Variants in AKT3 observed in about 807,000 individuals in gnomAD.
AKT3 encodes AKT serine/threonine kinase 3, also known as RAC-gamma serine/threonine-protein kinase.
AKT3 carries 15 observed loss-of-function variants against 65.3 expected under a neutral mutation model. The ratio of observed to expected loss-of-function variants is 0.23; its 90% CI spans 0.15 to 0.35. The LOEUF (loss-of-function observed/expected upper bound fraction) is 0.35, where lower values mean the gene tolerates loss of function less well. Among genes scored for constraint, AKT3 ranks in the 10% least tolerant of loss-of-function variants. The pLI is 1.00. For synonymous variants in AKT3, 206 were observed against 183.8 expected (o/e 1.12, Z -0.98); for missense variants, 243 against 576.5 (o/e 0.42, Z 5.92).
At chr1:243,761,297 T>G (rs1689476294) in intron 2 of AKT3, among the ~76,000 whole-genome samples, 1 of 152,094 alleles carries the variant, frequency 6.6e-6, no homozygotes, top group Non-Finnish European at 1.5e-5. Flanking sequence ...TTTTGAGAAC[T>G]GAAAAATACG....
chr1:243,846,821 TTAAA>T (rs1348447144), intron 1 of AKT3, among the ~76,000 whole-genome samples: 1 of 152,210 alleles, frequency 6.6e-6, no homozygotes, highest in Non-Finnish European at 1.5e-5. Context: ...TTAGGAAAGT[TTAAA>T]TAAAAGGTAT....
intron 2 of AKT3, chr1:243,817,998 T>C (rs1463526890): frequency 3.3e-5 from 5 of 152,242 alleles, no homozygotes; most frequent in Non-Finnish European, 1.5e-5. Context: ...TAGGTAAGTA[T>C]ATTCTCATTC....
rs1351043465 is a variant in AKT3, at chr1:243,519,570, G to GATT, written c.1252-7147_1252-7145dup. ...GGAGGGCAGGAGAATGATAACACCT[G>GATT]ATTATAAGCACTTGGAGAAAGTTGG... On this transcript the variant is annotated intron_variant, in intron 12 of 13. Transcript: ENST00000673466. Among the ~76,000 whole-genome samples the GATT allele has an allele frequency of 2.6e-5, 4 of 152,230 alleles. No individual in the cohort carries two copies. In the East Asian group the frequency reaches 5.8e-4, roughly 22 times the overall value.
At chr1:243,563,169 G>A (rs1673913793) in intron 10 of AKT3, among the ~76,000 whole-genome samples, 1 of 152,118 alleles carries the variant, frequency 6.6e-6, no homozygotes, top group South Asian at 2.1e-4. Flanking sequence ...ATATACAGCA[G>A]ATACACAATA....
chr1:243,731,685 T>G (rs1326775040), intron 2 of AKT3, among the ~76,000 whole-genome samples: 1 of 152,236 alleles, frequency 6.6e-6, no homozygotes, highest in Non-Finnish European at 1.5e-5. Flanking sequence ...TGTAAACTAA[T>G]AGTTTGTGCC....
intron 6 of AKT3, among the ~76,000 whole-genome samples, chr1:243,634,515 A>T (rs320331): frequency 6.6e-6 from 1 of 151,518 alleles, no homozygotes; most frequent in South Asian, 2.1e-4. Flanking sequence ...TGTGATGCAT[A>T]TGGTCTCTCT....
chr1:243,793,776 C>A (rs1485136462), intron 2 of AKT3, among the ~76,000 whole-genome samples: 79 of 129,618 alleles, frequency 6.1e-4, no homozygotes, highest in African/African-American at 9.3e-4. Flanking sequence ...AAAACTGTCT[C>A]AAAAAAAAAA....
chr1:243,597,904 G>T (rs1676737317), intron 8 of AKT3, among the ~76,000 whole-genome samples: 1 of 152,138 alleles, frequency 6.6e-6, no homozygotes, highest in Non-Finnish European at 1.5e-5. Context: ...TTTTTTGACA[G>T]AATTAAAATA....
chr1:243,523,384 A>G (rs1670852361), intron 12 of AKT3, among the ~76,000 whole-genome samples: 1 of 152,144 alleles, frequency 6.6e-6, no homozygotes. Flanking sequence ...GAACAGGAAC[A>G]GGCAAAGAAA....
At chr1:243,568,132 T>G (rs1055349762) in intron 9 of AKT3, among the ~76,000 whole-genome samples, 4 of 152,190 alleles carry the variant, frequency 2.6e-5, no homozygotes, top group African/African-American at 4.8e-5. Flanking sequence ...AGTCTTCTCT[T>G]CTAGATCACT....
At chr1:243,565,025 C>G (rs979980450) in intron 9 of AKT3, among the ~76,000 whole-genome samples, 3 of 152,154 alleles carry the variant, frequency 2.0e-5, no homozygotes, top group African/African-American at 4.8e-5. Context: ...AAACCAGACA[C>G]TAAATACAGT....
intron 2 of AKT3, among the ~76,000 whole-genome samples, chr1:243,753,790 T>C (rs1048455968): frequency 1.3e-5 from 2 of 152,202 alleles, no homozygotes; most frequent in Non-Finnish European, 2.9e-5. Flanking sequence ...GTAAAATAAC[T>C]GAATAGGAAC....
intron 13 of AKT3, among the ~76,000 whole-genome samples, chr1:243,493,532 G>A (rs949640183): frequency 2.6e-5 from 4 of 152,132 alleles, no homozygotes; most frequent in East Asian, 2.0e-4. Context: ...TCTGGTAGCC[G>A]TCGTATCCTG....
chr1:243,758,053 A>AT (rs1290445554), intron 2 of AKT3, among the ~76,000 whole-genome samples: 6 of 152,182 alleles, frequency 3.9e-5, no homozygotes, highest in African/African-American at 1.4e-4. Context: ...ATGAGCCACC[A>AT]CACCCAGCTA....
chr1:243,625,170 C>A (rs1259704182), intron 6 of AKT3: 2 of 143,418 alleles, frequency 1.4e-5, no homozygotes, highest in African/African-American at 6.1e-5. Context: ...CTCGCTGTGT[C>A]TCCCAGGCTG....
At chr1:243,731,274 T>C (rs1474510242) in intron 2 of AKT3, among the ~76,000 whole-genome samples, 1 of 152,202 alleles carries the variant, frequency 6.6e-6, no homozygotes, top group African/African-American at 2.4e-5. Flanking sequence ...TTTTCTACCA[T>C]CCATACGTTT....
At chr1:243,682,828 T>C (rs1021088771) in intron 3 of AKT3, among the ~76,000 whole-genome samples, 4 of 152,328 alleles carry the variant, frequency 2.6e-5, no homozygotes, top group African/African-American at 9.6e-5. Context: ...TTTTGAAATC[T>C]TACTATTTCT....
At chr1:243,759,273 CCACTG>C (rs1429060039) in intron 2 of AKT3, among the ~76,000 whole-genome samples, 1 of 152,008 alleles carries the variant, frequency 6.6e-6, no homozygotes, top group Non-Finnish European at 1.5e-5. Flanking sequence ...TATGATCGGA[CCACTG>C]CACTGCACTC....
At position 243,730,736 on chromosome 1, in the gene AKT3, G is replaced by A. The variant is rs150835393; in HGVS notation, c.47-35020C>T. On this transcript the variant is annotated intron_variant, in intron 2 of 13. Coordinates refer to ENST00000673466, the MANE Select transcript of AKT3 (RefSeq NM_005465.7). ...GCGGGTGGAGAGAATGAGAGAGCAC[G>A]CCTGACCCACTCCTTGAGGCTCTGC... Among the ~76,000 whole-genome samples the A allele has an allele frequency of 4.0e-3, 616 of 152,318 alleles. 17 individuals carry two copies. The highest frequency in any genetic ancestry group is 0.036 in the Admixed American group (555 of 15,304).
Sources: gnomAD v4.1 joint callset for allele counts (sites outside exome capture counted in the v4.1 genomes callset) on GRCh38, gnomAD v4.1.1 for gene constraint, MANE v1.5 for transcripts, NCBI Gene and HGNC (gene_info 2026-07-23, HGNC 2026-07-21) for gene names.